SLC24A2: variants seen among roughly 807,000 people sequenced by gnomAD.
SLC24A2 encodes solute carrier family 24 member 2.
In SLC24A2, 36 loss-of-function variants were observed where a neutral mutation model predicts 62.0. The observed-to-expected ratio is 0.58, with a 90% CI of 0.44 to 0.77. The LOEUF (loss-of-function observed/expected upper bound fraction) is 0.77, where lower values mean the gene tolerates loss of function less well. Ranked by LOEUF, SLC24A2 falls within the 30% of genes least tolerant of loss-of-function variation. SLC24A2 has a pLI of 0.00. For synonymous variants in SLC24A2, 358 were observed against 294.0 expected (o/e 1.22, Z -2.23); for missense variants, 846 against 817.9 (o/e 1.03, Z -0.42).
intron 7 of SLC24A2, among the ~76,000 whole-genome samples, chr9:19,558,602 T>A (rs555231021): frequency 6.6e-6 from 1 of 152,306 alleles, no homozygotes; most frequent in Admixed American, 6.5e-5. Context: ...AAGCCCTTTA[T>A]AACAATAAAC....
At chr9:20,134,950 T>G in the SLC24A2 span, among the ~76,000 whole-genome samples, 1 of 152,202 alleles carries the variant, frequency 6.6e-6, no homozygotes, top group Non-Finnish European at 1.5e-5. Flanking sequence ...CTGCCTTTTG[T>G]AGGTTTATGT....
At chr9:19,910,825 T>C in the SLC24A2 span, among the ~76,000 whole-genome samples, 1 of 152,064 alleles carries the variant, frequency 6.6e-6, no homozygotes, top group Non-Finnish European at 1.5e-5. Flanking sequence ...TATGCGTCCA[T>C]AGTAGCTTTT....
At chr9:20,123,656 T>C in the SLC24A2 span, among the ~76,000 whole-genome samples, 7 of 152,218 alleles carry the variant, frequency 4.6e-5, no homozygotes, top group Non-Finnish European at 7.4e-5. Context: ...TCATGTGGAC[T>C]GAGCTAATAT....
At chr9:20,206,429 C>T in the SLC24A2 span, among the ~76,000 whole-genome samples, 2 of 151,744 alleles carry the variant, frequency 1.3e-5, no homozygotes, top group African/African-American at 2.4e-5. Context: ...AGAAAAATAA[C>T]GGTAAGATGC....
chr9:19,849,179 C>T, the SLC24A2 span, among the ~76,000 whole-genome samples: 1 of 152,070 alleles, frequency 6.6e-6, no homozygotes, highest in Admixed American at 6.6e-5. Flanking sequence ...CTCTGCTCTG[C>T]GTTTGGGGAT....
chr9:19,519,527 G>C (rs570429497), intron 10 of SLC24A2, among the ~76,000 whole-genome samples: 1 of 152,276 alleles, frequency 6.6e-6, no homozygotes, highest in Non-Finnish European at 1.5e-5. Flanking sequence ...GTTTACAGTA[G>C]GTACAACTTC....
the SLC24A2 span, among the ~76,000 whole-genome samples, chr9:20,292,226 G>A: frequency 6.6e-6 from 1 of 152,130 alleles, no homozygotes; most frequent in African/African-American, 2.4e-5. Context: ...TGTCTTCCTG[G>A]GGAATGATAC....
intron 7 of SLC24A2, among the ~76,000 whole-genome samples, chr9:19,557,700 G>A (rs1212541973): frequency 6.6e-6 from 1 of 151,736 alleles, no homozygotes; most frequent in Non-Finnish European, 1.5e-5. Context: ...CATCCATCGT[G>A]CAGCCTGGGT....
the SLC24A2 span, among the ~76,000 whole-genome samples, chr9:19,963,457 G>T: frequency 2.0e-5 from 3 of 149,934 alleles, no homozygotes; most frequent in South Asian, 2.1e-4. Flanking sequence ...GAAAATTTTC[G>T]CAACCTACTC....
At chr9:20,046,639 G>A in the SLC24A2 span, among the ~76,000 whole-genome samples, 1 of 152,204 alleles carries the variant, frequency 6.6e-6, no homozygotes, top group Non-Finnish European at 1.5e-5. Context: ...AGAGTTACAA[G>A]TGAACCTCTA....
intron 3 of SLC24A2, among the ~76,000 whole-genome samples, chr9:19,621,989 C>G (rs752534071): frequency 3.3e-5 from 5 of 152,188 alleles, no homozygotes; most frequent in Admixed American, 6.5e-5. Flanking sequence ...GGAAATATCT[C>G]ACTCTTCCAA....
the SLC24A2 span, among the ~76,000 whole-genome samples, chr9:19,859,805 A>G: frequency 6.6e-6 from 1 of 152,148 alleles, no homozygotes; most frequent in African/African-American, 2.4e-5. Context: ...AGAGCCAGCA[A>G]CTGTAAGACA....
At chr9:20,046,414 C>T in the SLC24A2 span, among the ~76,000 whole-genome samples, 10 of 152,234 alleles carry the variant, frequency 6.6e-5, no homozygotes, top group African/African-American at 2.4e-4. Context: ...AACCTTCCTC[C>T]AGATTGGCAA....
At chr9:19,534,707 C>T (rs1586908312) in intron 8 of SLC24A2, among the ~76,000 whole-genome samples, 2 of 152,190 alleles carry the variant, frequency 1.3e-5, no homozygotes, top group African/African-American at 4.8e-5. Flanking sequence ...TTTATGGCTG[C>T]ATAATACTCC....
At chr9:19,788,348 C>T (rs888854867) in intron 1 of SLC24A2, among the ~76,000 whole-genome samples, 2 of 152,196 alleles carry the variant, frequency 1.3e-5, no homozygotes, top group Non-Finnish European at 2.9e-5. Context: ...GATTCAACTC[C>T]CCGGGCGCAA....
chr9:20,023,642 G>A, the SLC24A2 span, among the ~76,000 whole-genome samples: 1 of 152,112 alleles, frequency 6.6e-6, no homozygotes, highest in African/African-American at 2.4e-5. Flanking sequence ...CTCATATGTG[G>A]GAGAAAAGGC....
At chr9:19,706,097 C>T (rs1377267657) in intron 2 of SLC24A2, among the ~76,000 whole-genome samples, 2 of 152,100 alleles carry the variant, frequency 1.3e-5, no homozygotes, top group Non-Finnish European at 2.9e-5. Flanking sequence ...TAAGGACTTG[C>T]TTTATGAATC....
the SLC24A2 span, among the ~76,000 whole-genome samples, chr9:20,261,301 A>T: frequency 6.6e-6 from 1 of 152,042 alleles, no homozygotes; most frequent in South Asian, 2.1e-4. Context: ...ACTGAAATGT[A>T]TTTAGCTCAT....
At chr9:20,056,849 C>G in the SLC24A2 span, among the ~76,000 whole-genome samples, 1 of 152,206 alleles carries the variant, frequency 6.6e-6, no homozygotes, top group Non-Finnish European at 1.5e-5. Flanking sequence ...TTGAATGACA[C>G]TAATGAACAA....
Sources: allele counts gnomAD v4.1 joint callset (sites outside exome capture counted in the v4.1 genomes callset), GRCh38; gene constraint gnomAD v4.1.1; transcripts MANE v1.5; gene names NCBI Gene and HGNC (gene_info 2026-07-23, HGNC 2026-07-21).